CREB3L1: variants seen among roughly 807,000 people sequenced by gnomAD.
The protein encoded by CREB3L1 is cAMP responsive element binding protein 3 like 1.
A neutral mutation model predicts 54.5 loss-of-function variants in CREB3L1; 33 were observed. The observed-to-expected ratio is 0.61, with a 90% CI of 0.46 to 0.81. The LOEUF (loss-of-function observed/expected upper bound fraction) is 0.81. Ranked by LOEUF, CREB3L1 falls within the 30% of genes least tolerant of loss-of-function variation. CREB3L1 has a pLI of 0.00. For synonymous variants in CREB3L1, 284 were observed against 286.4 expected (o/e 0.99, Z 0.08); for missense variants, 656 against 673.3 (o/e 0.97, Z 0.29).
intron 1 of CREB3L1, among the ~76,000 whole-genome samples, chr11:46,284,350 G>A (rs1160076476): frequency 6.6e-6 from 1 of 151,942 alleles, no homozygotes; most frequent in Non-Finnish European, 1.5e-5. Flanking sequence ...TGGCAAAGGA[G>A]TTATTAGAAG....
rs1408395075 is a variant in CREB3L1, at chr11:46,311,139, G to C, written c.703G>C (p.Ala235Pro). ...LPPSSPVRPM[A>P]RSSTAISTSP... Reference sequence around the variant, plus strand: ...CCCCTCCAGCCCTGTCAGGCCCATGGCGCGCTCCTCCACGGCCATCTCCAC... The same window carrying C: ...CCCCTCCAGCCCTGTCAGGCCCATGCCGCGCTCCTCCACGGCCATCTCCAC... Residue 235 changes from alanine (A) to proline (P), a missense_variant, in exon 5 of 12, where the codon GCG becomes CCG. Ala to Pro is a conservative substitution (Grantham distance 27). This residue lies in a region of CREB3L1 where 339 missense variants were observed against 331.5 expected (regional missense o/e 1.02). Coordinates refer to ENST00000621158, the MANE Select transcript of CREB3L1 (RefSeq NM_052854.4). The C allele has an allele frequency of 1.9e-6, 3 of 1,604,776 alleles. No individual in the cohort carries two copies. The highest frequency in any genetic ancestry group is 1.7e-6 in the Non-Finnish European group (2 of 1,178,940).
chr11:46,279,742 G>A (rs1001518052), intron 1 of CREB3L1, among the ~76,000 whole-genome samples: 1 of 152,220 alleles, frequency 6.6e-6, no homozygotes, highest in Non-Finnish European at 1.5e-5. Flanking sequence ...TAGTCAGAGG[G>A]AAAGAGGTTT....
intron 1 of CREB3L1, among the ~76,000 whole-genome samples, chr11:46,288,813 G>A (rs1409438336): frequency 1.3e-5 from 2 of 152,180 alleles, no homozygotes; most frequent in African/African-American, 2.4e-5. Flanking sequence ...CGTGGGTTCT[G>A]CAATCAGAGC....
At chr11:46,315,370 TAA>T (rs1342255299) in intron 8 of CREB3L1, 2 of 216,412 alleles carry the variant, frequency 9.2e-6, no homozygotes, top group African/African-American at 4.5e-5. Context: ...GGAGAGAGAT[TAA>T]ACATTTGCCC....
At chr11:46,300,255 G>T in intron 2 of CREB3L1, 92 bp downstream of exon 2, 2 of 955,272 alleles carry the variant, frequency 2.1e-6, no homozygotes, top group Non-Finnish European at 3.2e-6. Context: ...CCTGCAGCCT[G>T]AGACTCCCAG....
chr11:46,291,121 G>C (rs1046336740), intron 1 of CREB3L1, among the ~76,000 whole-genome samples: 1 of 152,166 alleles, frequency 6.6e-6, no homozygotes, highest in Non-Finnish European at 1.5e-5. Flanking sequence ...TTGCCCATCC[G>C]ACTGACTCAA....
At chr11:46,297,596 C>T (rs1478100592) in intron 1 of CREB3L1, among the ~76,000 whole-genome samples, 2 of 152,196 alleles carry the variant, frequency 1.3e-5, no homozygotes, top group Non-Finnish European at 2.9e-5. Flanking sequence ...TGTCTTGTCT[C>T]ATTGGATAAT....
Position 46,278,316 on chromosome 11 carries a change from C to G in CREB3L1, c.102+103C>G. The G allele has an allele frequency of 1.5e-6, 1 of 666,406 alleles. No homozygotes were observed. The highest frequency in any genetic ancestry group is 2.5e-6 in the Non-Finnish European group (1 of 401,586). 41.3% of individuals were successfully genotyped at this position (666,406 alleles called of 1,614,324 possible). Reference sequence around the variant, plus strand: ...CGACTACACATCACTGGGCAGGAGCCGGGGAGAGGGTTCAGCGCAGGGTCT... The same window carrying G: ...CGACTACACATCACTGGGCAGGAGCGGGGGAGAGGGTTCAGCGCAGGGTCT... On this transcript the variant is annotated intron_variant, in intron 1 of 11. Coordinates refer to ENST00000621158, the MANE Select transcript of CREB3L1 (RefSeq NM_052854.4). The surrounding 1 kb of genome is among the most constrained non-coding windows in gnomAD (Gnocchi z 4.2).
chr11:46,315,487 T>C (rs1939554145), intron 8 of CREB3L1: 1 of 206,268 alleles, frequency 4.8e-6, no homozygotes, highest in African/African-American at 2.3e-5. Flanking sequence ...AGGAGACTGA[T>C]GTGGAGATAT....
intron 1 of CREB3L1, among the ~76,000 whole-genome samples, chr11:46,298,768 T>C (rs1205851266): frequency 6.6e-6 from 1 of 152,176 alleles, no homozygotes; most frequent in Non-Finnish European, 1.5e-5. Context: ...AGAAAAATAA[T>C]GTACAAGAAC....
At chr11:46,310,795 A>C in intron 4 of CREB3L1, 1 of 475,390 alleles carries the variant, frequency 2.1e-6, no homozygotes, top group South Asian at 4.9e-5. Flanking sequence ...CGAGCTTGTA[A>C]AGGAGCTGGG....
intron 2 of CREB3L1, among the ~76,000 whole-genome samples, chr11:46,301,424 G>A (rs1010185042): frequency 1.2e-4 from 19 of 152,070 alleles, no homozygotes; most frequent in African/African-American, 4.3e-4. Flanking sequence ...GATCACCTGA[G>A]GTGAGGAGAC....
chr11:46,316,954 T>G (rs557132806), intron 9 of CREB3L1, among the ~76,000 whole-genome samples: 1 of 152,050 alleles, frequency 6.6e-6, no homozygotes, highest in South Asian at 2.1e-4. Context: ...GCTCCGTGGC[T>G]CTCAGCACCT....
At chr11:46,300,868 G>C (rs1448321338) in intron 2 of CREB3L1, among the ~76,000 whole-genome samples, 1 of 152,082 alleles carries the variant, frequency 6.6e-6, no homozygotes, top group African/African-American at 2.4e-5. Context: ...ACCCGGGGGT[G>C]GTGGCGGGCG....
rs73464021 is a variant in CREB3L1 at position 46,316,501 on chromosome 11, G to T, written c.1131+116G>T. ...GGTAACATCGTGGGCAGCGTCCCAG[G>T]GTACACCATCCTGGCGCCTGGTGGG... is the stretch of plus-strand genomic sequence containing the variant. On this transcript the variant is annotated intron_variant, in intron 9 of 11. Coordinates refer to ENST00000621158, the MANE Select transcript of CREB3L1 (RefSeq NM_052854.4). 6.0e-3 allele frequency: 4,106 copies of T among 685,568 alleles called. 120 individuals carry two copies. In the African/African-American group the frequency reaches 0.063, roughly 11 times the overall value. The allele number at this position is 685,568 out of a possible 1,614,324, so 42.5% of individuals were successfully genotyped here.
chr11:46,285,345 G>A (rs1050240999), intron 1 of CREB3L1, among the ~76,000 whole-genome samples: 8 of 152,132 alleles, frequency 5.3e-5, no homozygotes, highest in African/African-American at 1.9e-4. Flanking sequence ...GTGGAGTTAA[G>A]TCAAGACTGT....
chr11:46,308,037 G>A (rs1566189335), intron 3 of CREB3L1, 37 bp downstream of exon 3: 1 of 1,465,000 alleles, frequency 6.8e-7, no homozygotes, highest in South Asian at 1.4e-5. Flanking sequence ...CTGAGGGAGG[G>A]AGGAGGGCTG....
intron 3 of CREB3L1, among the ~76,000 whole-genome samples, chr11:46,308,708 G>C (rs1260261838): frequency 6.6e-6 from 1 of 152,226 alleles, no homozygotes; most frequent in African/African-American, 2.4e-5. Flanking sequence ...CTAGATGGGA[G>C]CGTGGCTGGC....
At chr11:46,299,757 C>G (rs1211542219) in intron 1 of CREB3L1, among the ~76,000 whole-genome samples, 178 bp from the exon 2 acceptor site, 2 of 152,020 alleles carry the variant, frequency 1.3e-5, no homozygotes, top group Non-Finnish European at 2.9e-5. Flanking sequence ...GTTGGTGTTG[C>G]AATGTTGGTA....
Sources: allele counts gnomAD v4.1 joint callset (sites outside exome capture counted in the v4.1 genomes callset), GRCh38; gene constraint gnomAD v4.1.1; regional missense constraint gnomAD v4.1.1; non-coding constraint Gnocchi (gnomAD v3.1); transcripts MANE v1.5; gene names NCBI Gene and HGNC (gene_info 2026-07-23, HGNC 2026-07-21).